RPS6KA2: variants seen among roughly 807,000 people sequenced by gnomAD.
RPS6KA2 encodes the protein ribosomal protein S6 kinase A2.
RPS6KA2 carries 42 observed loss-of-function variants against 91.8 expected under a neutral mutation model. The observed-to-expected ratio is 0.46, with a 90% CI of 0.36 to 0.59. RPS6KA2 has a LOEUF of 0.59. Among genes scored for constraint, RPS6KA2 ranks in the 20% least tolerant of loss-of-function variants. The pLI, the probability that RPS6KA2 is intolerant of heterozygous loss-of-function variation, is 0.00. For missense variants in RPS6KA2, 798 were observed against 978.5 expected, an observed-to-expected ratio of 0.82 and a Z score of 2.46; for synonymous variants, 414 against 393.6, an observed-to-expected ratio of 1.05 and a Z score of -0.61.
intron 2 of RPS6KA2, among the ~76,000 whole-genome samples, chr6:166,823,385 T>C (rs1779951528): frequency 1.3e-5 from 2 of 151,990 alleles, no homozygotes; most frequent in Admixed American, 6.6e-5. Flanking sequence ...TGACATTTGA[T>C]GATACTAAAA....
rs1028666921 is a variant in RPS6KA2 at position 166,733,787 on chromosome 6, G to A, written c.123+124413C>T. On this transcript the variant is annotated intron_variant, in intron 2 of 21. Coordinates refer to the RPS6KA2 transcript ENST00000503859. The surrounding 1 kb of genome is among the most constrained non-coding windows in gnomAD (Gnocchi z 4.1). ...TCCCTAAACTGTTTGGGAGAGAAGAGGAAGAGAGAAGTAAAAGGAAGGTTT... is the reference window on the plus strand; with the variant it reads ...TCCCTAAACTGTTTGGGAGAGAAGAAGAAGAGAGAAGTAAAAGGAAGGTTT... Among the ~76,000 whole-genome samples the A allele has an allele frequency of 2.6e-5, 4 of 152,178 alleles. No homozygotes were observed. Among genetic ancestry groups the A allele is most frequent in the African/African-American group, 9.7e-5 (4 of 41,430 alleles).
chr6:166,709,113 G>C (rs1391608871), intron 2 of RPS6KA2, among the ~76,000 whole-genome samples: 1 of 152,164 alleles, frequency 6.6e-6, no homozygotes, highest in Non-Finnish European at 1.5e-5. Flanking sequence ...TCTTATCCGG[G>C]TTGTGCCTCA....
rs1782470339 is a variant in RPS6KA2, at chr6:166,511,232, G to C, written c.299-875C>G. Among the ~76,000 whole-genome samples the C allele has an allele frequency of 2.1e-5, 3 of 146,178 alleles. 1 individual carries two copies. The South Asian group carries it at 6.2e-4, about 30-fold the overall frequency. On this transcript the variant is annotated intron_variant, in intron 3 of 20. Coordinates refer to ENST00000265678, the MANE Select transcript of RPS6KA2 (RefSeq NM_021135.6). ...AACCTGTGGGCTGATATCTGGCATA[G>C]AGTGACCTGCGGGTTCCCTAACAAT... is the stretch of plus-strand genomic sequence containing the variant.
At chr6:166,804,707 C>A (rs1212893766) in intron 2 of RPS6KA2, among the ~76,000 whole-genome samples, 1 of 152,088 alleles carries the variant, frequency 6.6e-6, no homozygotes, top group East Asian at 1.9e-4. Flanking sequence ...TTAATACAAT[C>A]AAATATATTA....
chr6:166,549,397 C>A (rs1007579573), intron 1 of RPS6KA2, among the ~76,000 whole-genome samples: 1 of 152,190 alleles, frequency 6.6e-6, no homozygotes, highest in African/African-American at 2.4e-5. Context: ...AAAACTCGAA[C>A]AGCCCAAATG....
At chr6:166,655,341 C>T (rs1183817875) in intron 2 of RPS6KA2, among the ~76,000 whole-genome samples, 1 of 152,232 alleles carries the variant, frequency 6.6e-6, no homozygotes, top group Non-Finnish European at 1.5e-5. Flanking sequence ...CCACCCACAA[C>T]TGATGTTGGT....
chr6:166,835,877 G>A (rs1203148148), intron 2 of RPS6KA2, among the ~76,000 whole-genome samples: 1 of 152,184 alleles, frequency 6.6e-6, no homozygotes, highest in Non-Finnish European at 1.5e-5. Flanking sequence ...TAGAAGCACT[G>A]TATCATATTG....
At chr6:166,478,867 A>T (rs942481619) in intron 10 of RPS6KA2, among the ~76,000 whole-genome samples, 2 of 152,058 alleles carry the variant, frequency 1.3e-5, no homozygotes, top group Admixed American at 6.5e-5. Flanking sequence ...CTCCTACTTC[A>T]CGATGTCGGT....
At chr6:166,728,165 TGGTGTCGACAGA>T (rs1210327976) in intron 2 of RPS6KA2, among the ~76,000 whole-genome samples, 1 of 152,200 alleles carries the variant, frequency 6.6e-6, no homozygotes, top group Non-Finnish European at 1.5e-5. Context: ...GTGCAAATTT[TGGTGTCGACAGA>T]GGTCCTGGAA....
intron 2 of RPS6KA2, among the ~76,000 whole-genome samples, chr6:166,668,265 G>C (rs1418058755): frequency 6.6e-6 from 1 of 152,178 alleles, no homozygotes; most frequent in Admixed American, 6.5e-5. Flanking sequence ...CCAAATCCAA[G>C]CCCACCCTCG....
Position 166,687,173 on chromosome 6 carries a change from A to G in RPS6KA2, c.124-148389T>C, listed in dbSNP as rs556906946. Among the ~76,000 whole-genome samples the G allele has an allele frequency of 4.4e-4, 67 of 152,328 alleles. 1 individual carries two copies. The South Asian group carries it at 0.014, about 31-fold the overall frequency. On this transcript the variant is annotated intron_variant, in intron 2 of 21. Coordinates refer to the RPS6KA2 transcript ENST00000503859. ...TGTGGGGAGTAGCAGCATTGTGATC[A>G]TTGCAACAGCAGCCACCGCGGGCAG...
At chr6:166,416,031 ATCT>A (rs1778494708) in intron 19 of RPS6KA2, among the ~76,000 whole-genome samples, 1 of 110,716 alleles carries the variant, frequency 9.0e-6, no homozygotes, top group Non-Finnish European at 1.9e-5. Context: ...GCTCACCATC[ATCT>A]TCACCACCTC....
At chr6:166,509,091 T>G (rs1782372302) in intron 4 of RPS6KA2, among the ~76,000 whole-genome samples, 1 of 152,214 alleles carries the variant, frequency 6.6e-6, no homozygotes, top group South Asian at 2.1e-4. Flanking sequence ...CGTTTTATTT[T>G]CTAAAAGTAA....
At chr6:166,802,006 C>T (rs141565647) in intron 2 of RPS6KA2, among the ~76,000 whole-genome samples, 4,827 of 152,034 alleles carry the variant, frequency 0.032, 280 homozygotes, top group African/African-American at 0.11. Context: ...ACCTGTAATC[C>T]CAGCACTTTG....
chr6:166,438,035 C>G (rs1359571252), intron 14 of RPS6KA2, among the ~76,000 whole-genome samples: 1 of 152,210 alleles, frequency 6.6e-6, no homozygotes, highest in East Asian at 1.9e-4. Context: ...TCCCACTAGG[C>G]AGGCCATTTC....
Position 166,517,433 on chromosome 6 carries a change from A to T in RPS6KA2, c.299-7076T>A, listed in dbSNP as rs1027550707. Among the ~76,000 whole-genome samples the T allele has an allele frequency of 3.7e-5, 5 of 133,494 alleles. No individual in the cohort carries two copies. In the East Asian group the frequency reaches 1.0e-3, roughly 28 times the overall value. 87.6% of individuals were successfully genotyped at this position (133,494 alleles called of 152,430 possible). A position where few individuals can be genotyped will look rare whatever the true frequency, so the allele number is the denominator to read the frequency against. On this transcript the variant is annotated intron_variant, in intron 3 of 20. Transcript: ENST00000265678. ...CATGGCCCACCCAGGGCGGAAAACC[A>T]CTTAAGGCGTTCTTTTGTTTTGTTT...
At chr6:166,748,548 TTGGGCCCCCACC>T (rs1791103997) in intron 2 of RPS6KA2, among the ~76,000 whole-genome samples, 1 of 40,476 alleles carries the variant, frequency 2.5e-5, no homozygotes. Flanking sequence ...CCCCATCCCC[TTGGGCCCCCACC>T]TCCTCAGGCC....
In RPS6KA2 at chr6:166,448,114, A is replaced by T. The variant is rs1342022875; in HGVS notation, c.1332+610T>A. ...CTAAAGTTACTATGTAGAGATTGCC[A>T]AATTGGGTTACAAAGAATTGTTTCT... On this transcript the variant is annotated intron_variant, in intron 14 of 20. Transcript: ENST00000265678. The surrounding 1 kb of genome is among the most constrained non-coding windows in gnomAD (Gnocchi z 4.7). Among the ~76,000 whole-genome samples, 1 of 152,240 alleles carries T rather than the reference A, an allele frequency of 6.6e-6. No individual in the cohort carries two copies. The highest frequency in any genetic ancestry group is 1.5e-5 in the Non-Finnish European group (1 of 68,048).
rs1293390233 is a variant in RPS6KA2, at chr6:166,617,000, G to T, written c.99+9921C>A. Among the ~76,000 whole-genome samples the T allele has an allele frequency of 2.0e-5, 3 of 152,258 alleles. No homozygotes were observed. The South Asian group carries it at 6.2e-4, about 31-fold the overall frequency. ...CAGAAGGTTCATGGGTCCAGGTACA[G>T]GAGAGCCCTTGACAGAAGCCCGGCT... is the stretch of plus-strand genomic sequence containing the variant. On this transcript the variant is annotated intron_variant, in intron 1 of 20. Coordinates refer to ENST00000265678, the MANE Select transcript of RPS6KA2 (RefSeq NM_021135.6).
Sources: gnomAD v4.1 joint callset for allele counts (sites outside exome capture counted in the v4.1 genomes callset) on GRCh38, gnomAD v4.1.1 for gene constraint, Gnocchi (gnomAD v3.1) non-coding constraint, MANE v1.5 for transcripts, NCBI Gene and HGNC (gene_info 2026-07-23, HGNC 2026-07-21) for gene names.